The following RORA variants were observed in gnomAD, a reference collection of about 807,000 sequenced individuals.
RORA encodes the protein RAR related orphan receptor A, also known as nuclear receptor ROR-alpha.
RORA carries 7 observed loss-of-function variants against 69.5 expected under a neutral mutation model. The ratio of observed to expected loss-of-function variants is 0.10; its 90% CI spans 0.06 to 0.19. The LOEUF is 0.19. Ranked by LOEUF, RORA falls within the 10% of genes least tolerant of loss-of-function variation. RORA has a pLI of 1.00. For synonymous variants in RORA, 261 were observed against 240.8 expected, an observed-to-expected ratio of 1.08 and a Z score of -0.78; for missense variants, 457 against 663.0, an observed-to-expected ratio of 0.69 and a Z score of 3.41.
At chr15:60,969,654 G>A (rs758370271) in intron 1 of RORA, among the ~76,000 whole-genome samples, 52 of 152,102 alleles carry the variant, frequency 3.4e-4, no homozygotes, top group Non-Finnish European at 5.3e-4. Context: ...CATTATCTCC[G>A]ATGACAGCAT....
chr15:61,116,503 C>G (rs758290840), intron 1 of RORA, among the ~76,000 whole-genome samples: 1 of 152,292 alleles, frequency 6.6e-6, no homozygotes, highest in Admixed American at 6.5e-5. Context: ...CTGGACCAAG[C>G]GGCCATTCCT....
At chr15:60,719,922 G>GGC (rs1460229162) in intron 1 of RORA, among the ~76,000 whole-genome samples, 4 of 152,032 alleles carry the variant, frequency 2.6e-5, no homozygotes, top group African/African-American at 9.7e-5. Context: ...AAATATACGG[G>GGC]GCGTAGCTAC....
At chr15:60,625,349 C>A (rs1416800588) in intron 2 of RORA, among the ~76,000 whole-genome samples, 1 of 152,186 alleles carries the variant, frequency 6.6e-6, no homozygotes, top group Non-Finnish European at 1.5e-5. Context: ...CACTCACATA[C>A]ATTATTGGTG....
chr15:60,509,427 T>C (rs1436858346), intron 5 of RORA, among the ~76,000 whole-genome samples: 1 of 152,146 alleles, frequency 6.6e-6, no homozygotes, highest in Non-Finnish European at 1.5e-5. Context: ...CACTGGAAAG[T>C]GAGACCATGG....
intron 1 of RORA, among the ~76,000 whole-genome samples, chr15:60,914,932 G>T (rs1891828560): frequency 6.6e-6 from 1 of 152,136 alleles, no homozygotes; most frequent in Non-Finnish European, 1.5e-5. Flanking sequence ...GCACTTATTG[G>T]GTATTGGGCC....
chr15:61,186,400 G>T (rs1218033568), intron 1 of RORA, among the ~76,000 whole-genome samples: 1 of 151,954 alleles, frequency 6.6e-6, no homozygotes, highest in Non-Finnish European at 1.5e-5. Context: ...CAGCACTTTG[G>T]GAGGCCAAGG....
chr15:60,571,672 C>G (rs1343730337), intron 2 of RORA, among the ~76,000 whole-genome samples: 1 of 151,962 alleles, frequency 6.6e-6, no homozygotes, highest in African/African-American at 2.4e-5. Flanking sequence ...GTTTAATCTC[C>G]CAACCACCCG....
chr15:60,857,291 A>G (rs2073390415), intron 1 of RORA, among the ~76,000 whole-genome samples: 1 of 152,132 alleles, frequency 6.6e-6, no homozygotes. Context: ...AAGAGAAACA[A>G]TGAACAGAGA....
At chr15:61,132,594 T>TA (rs1280986576) in intron 1 of RORA, among the ~76,000 whole-genome samples, 1 of 152,130 alleles carries the variant, frequency 6.6e-6, no homozygotes, top group Non-Finnish European at 1.5e-5. Context: ...ATTCCAGTTG[T>TA]AAAAAAATGA....
chr15:60,909,252 T>C (rs546514851), intron 1 of RORA, among the ~76,000 whole-genome samples: 1 of 152,332 alleles, frequency 6.6e-6, no homozygotes, highest in South Asian at 2.1e-4. Flanking sequence ...CCAGGTACTC[T>C]GCTGATGTCT....
At chr15:60,893,568 C>G (rs564814457) in intron 1 of RORA, among the ~76,000 whole-genome samples, 1 of 152,298 alleles carries the variant, frequency 6.6e-6, no homozygotes, top group East Asian at 1.9e-4. Context: ...CAAGTGGATT[C>G]CCTTGTATCC....
chr15:60,869,033 CA>C (rs2073522948), intron 1 of RORA, among the ~76,000 whole-genome samples: 1 of 152,052 alleles, frequency 6.6e-6, no homozygotes, highest in Non-Finnish European at 1.5e-5. Context: ...AACCTCGGAC[CA>C]AATCACTCCA....
chr15:60,529,180 G>A (rs2066454544), intron 3 of RORA: 1 of 152,178 alleles, frequency 6.6e-6, no homozygotes, highest in Non-Finnish European at 1.5e-5. Flanking sequence ...CTCAGAAGAT[G>A]ACTGATCACC....
intron 1 of RORA, among the ~76,000 whole-genome samples, chr15:60,883,269 G>T (rs528644675): frequency 1.3e-5 from 2 of 151,626 alleles, no homozygotes; most frequent in Non-Finnish European, 2.9e-5. Context: ...ACAGCATTAC[G>T]AATCATAGGA....
intron 1 of RORA, among the ~76,000 whole-genome samples, chr15:60,927,876 G>C (rs537967674): frequency 6.6e-6 from 1 of 152,334 alleles, no homozygotes; most frequent in East Asian, 1.9e-4. Flanking sequence ...TCATTTTATA[G>C]AGCAGGATAC....
chr15:60,946,259 C>T (rs1595836469), intron 1 of RORA, among the ~76,000 whole-genome samples: 1 of 142,214 alleles, frequency 7.0e-6, no homozygotes, highest in Admixed American at 7.2e-5. Flanking sequence ...CCTCTCTCTC[C>T]CTCCTTCTCC....
intron 2 of RORA, among the ~76,000 whole-genome samples, chr15:60,540,563 G>T (rs1184974370): frequency 6.3e-5 from 2 of 31,732 alleles, no homozygotes; most frequent in East Asian, 3.3e-3. Context: ...CAATTTCCAT[G>T]ACCCCCCCCC....
chr15:61,224,801 C>T (rs912336373), intron 1 of RORA, among the ~76,000 whole-genome samples: 16 of 152,190 alleles, frequency 1.1e-4, no homozygotes, highest in African/African-American at 3.9e-4. Flanking sequence ...TCCCTGTGTC[C>T]CACTTCAGGA....
intron 1 of RORA, among the ~76,000 whole-genome samples, chr15:61,200,085 G>A (rs905358253): frequency 1.3e-5 from 2 of 152,162 alleles, no homozygotes; most frequent in African/African-American, 2.4e-5. Context: ...GTAAGTCAGG[G>A]GTGACATGAG....
Sources: gnomAD v4.1 joint callset for allele counts (sites outside exome capture counted in the v4.1 genomes callset) on GRCh38, gnomAD v4.1.1 for gene constraint, MANE v1.5 for transcripts, NCBI Gene and HGNC (gene_info 2026-07-23, HGNC 2026-07-21) for gene names.